IMMP2L: variants seen among roughly 807,000 people sequenced by gnomAD.
The protein encoded by IMMP2L is mitochondrial inner membrane protease subunit 2.
IMMP2L carries 18 observed loss-of-function variants against 19.3 expected under a neutral mutation model. The observed-to-expected ratio is 0.93, with a 90% CI of 0.64 to 1.38. The LOEUF is 1.38. Among genes scored for constraint, IMMP2L ranks in the 40% most tolerant of loss-of-function variants. The pLI is 0.00. For synonymous variants in IMMP2L, 76 were observed against 73.0 expected (o/e 1.04, Z -0.21); for missense variants, 233 against 218.2 (o/e 1.07, Z -0.43).
At chr7:110,673,513 GT>G (rs1281130405) in intron 5 of IMMP2L, among the ~76,000 whole-genome samples, 4 of 152,206 alleles carry the variant, frequency 2.6e-5, no homozygotes, top group African/African-American at 9.6e-5. Context: ...AAGAAAATGA[GT>G]TTTTCTTTTC....
chr7:111,346,951 A>C, intron 3 of IMMP2L, among the ~76,000 whole-genome samples: 1 of 152,062 alleles, frequency 6.6e-6, no homozygotes, highest in East Asian at 1.9e-4. Flanking sequence ...TGCTGGCAAA[A>C]TTAACTGTGA....
chr7:111,243,021 C>A (rs777398618), intron 3 of IMMP2L, among the ~76,000 whole-genome samples: 2 of 152,018 alleles, frequency 1.3e-5, no homozygotes, highest in African/African-American at 4.8e-5. Context: ...TATCACAAAT[C>A]TCTTTTTGTG....
chr7:111,386,642 A>T (rs1472698109), intron 3 of IMMP2L, among the ~76,000 whole-genome samples: 1 of 152,094 alleles, frequency 6.6e-6, no homozygotes, highest in Non-Finnish European at 1.5e-5. Flanking sequence ...CTCATAAAAG[A>T]CTCATGATAA....
chr7:111,498,257 C>T (rs961041839), intron 2 of IMMP2L, among the ~76,000 whole-genome samples: 2 of 152,058 alleles, frequency 1.3e-5, no homozygotes, highest in African/African-American at 4.8e-5. Flanking sequence ...GCTAATAAAA[C>T]ATGTTTTGAG....
chr7:111,033,074 C>T (rs375706538), intron 3 of IMMP2L, among the ~76,000 whole-genome samples: 6 of 151,922 alleles, frequency 3.9e-5, no homozygotes, highest in African/African-American at 9.7e-5. Context: ...GAGCTGAGAT[C>T]GTGCCACTGC....
At chr7:111,504,209 C>T (rs1341324254) in intron 2 of IMMP2L, among the ~76,000 whole-genome samples, 1 of 152,076 alleles carries the variant, frequency 6.6e-6, no homozygotes, top group Non-Finnish European at 1.5e-5. Flanking sequence ...CATGAGTGAA[C>T]TACCATTCAC....
intron 3 of IMMP2L, among the ~76,000 whole-genome samples, chr7:111,157,059 A>G (rs1804717883): frequency 6.6e-6 from 1 of 152,124 alleles, no homozygotes; most frequent in African/African-American, 2.4e-5. Flanking sequence ...GCTTTCATAT[A>G]AAACATAAGG....
chr7:111,273,703 G>A (rs751596924), intron 3 of IMMP2L, among the ~76,000 whole-genome samples: 3 of 152,072 alleles, frequency 2.0e-5, no homozygotes, highest in Non-Finnish European at 4.4e-5. Context: ...TGGATATACA[G>A]AGGTTACGGT....
intron 4 of IMMP2L, among the ~76,000 whole-genome samples, chr7:110,909,926 CAGAG>C (rs139251144): frequency 0.054 from 7,832 of 145,684 alleles, 270 homozygotes; most frequent in African/African-American, 0.09. Context: ...GAGAGATAGA[CAGAG>C]AGAGAGAGAG....
chr7:111,441,021 T>C lies in IMMP2L; in HGVS notation c.239+46217A>G, dbSNP rs186814758. ...GCTTCCTCACCTTTCTCAACCTTCATAGAATTGAAGGAAGTCAGGCCCTTG... is the reference window on the plus strand; with the variant it reads ...GCTTCCTCACCTTTCTCAACCTTCACAGAATTGAAGGAAGTCAGGCCCTTG... On this transcript the variant is annotated intron_variant, in intron 3 of 5. Transcript: ENST00000405709. 2.7e-4 allele frequency among the ~76,000 whole-genome samples: 41 copies of C among 152,022 alleles called. 1 individual carries two copies. The highest frequency in any genetic ancestry group is 9.9e-4 in the African/African-American group (41 of 41,320).
At chr7:111,052,349 A>G (rs978968794) in intron 3 of IMMP2L, among the ~76,000 whole-genome samples, 1 of 152,132 alleles carries the variant, frequency 6.6e-6, no homozygotes, top group Non-Finnish European at 1.5e-5. Context: ...TGGAGCCTTG[A>G]TCTATTACTA....
At chr7:111,041,727 G>T (rs767484641) in intron 3 of IMMP2L, among the ~76,000 whole-genome samples, 4 of 152,002 alleles carry the variant, frequency 2.6e-5, no homozygotes, top group Non-Finnish European at 5.9e-5. Context: ...ACATGATTCT[G>T]ATTTGTTTTC....
chr7:111,063,264 C>T (rs1794187434), intron 3 of IMMP2L, among the ~76,000 whole-genome samples: 1 of 152,208 alleles, frequency 6.6e-6, no homozygotes, highest in Admixed American at 6.5e-5. Flanking sequence ...TCTAAAGCCA[C>T]AGCCCAAGCT....
intron 5 of IMMP2L, among the ~76,000 whole-genome samples, chr7:110,684,743 G>A (rs28590626): frequency 0.25 from 38,474 of 151,820 alleles, 6,524 homozygotes; most frequent in African/African-American, 0.48. Flanking sequence ...TGCTGTCCTC[G>A]TGCATGTTCT....
intron 2 of IMMP2L, among the ~76,000 whole-genome samples, chr7:111,510,911 T>G (rs775728440): frequency 1.3e-5 from 2 of 152,128 alleles, no homozygotes; most frequent in Non-Finnish European, 2.9e-5. Flanking sequence ...GCCTCTCCTC[T>G]GTCTGCTCTA....
intron 3 of IMMP2L, among the ~76,000 whole-genome samples, chr7:111,432,139 C>T (rs1322008282): frequency 2.6e-5 from 4 of 151,586 alleles, no homozygotes; most frequent in Non-Finnish European, 5.9e-5. Flanking sequence ...ATGCCCTAAA[C>T]CTGTGGGATC....
At chr7:110,888,528 A>G (rs372675952) in intron 4 of IMMP2L, among the ~76,000 whole-genome samples, 19 of 152,204 alleles carry the variant, frequency 1.2e-4, no homozygotes, top group African/African-American at 3.9e-4. Context: ...TCATTTCTGC[A>G]GTGACACGGT....
chr7:111,544,382 A>T (rs1585619628), intron 1 of IMMP2L, among the ~76,000 whole-genome samples: 2 of 152,086 alleles, frequency 1.3e-5, no homozygotes, highest in Admixed American at 1.3e-4. Context: ...GTACCCTAGA[A>T]CTTAAAGTAT....
intron 3 of IMMP2L, among the ~76,000 whole-genome samples, chr7:111,141,344 A>C (rs1269757464): frequency 6.6e-6 from 1 of 152,048 alleles, no homozygotes; most frequent in Non-Finnish European, 1.5e-5. Flanking sequence ...TCAAATTATA[A>C]TTTTATCACA....
Sources: allele counts gnomAD v4.1 joint callset (sites outside exome capture counted in the v4.1 genomes callset), GRCh38; gene constraint gnomAD v4.1.1; transcripts MANE v1.5; gene names NCBI Gene and HGNC (gene_info 2026-07-23, HGNC 2026-07-21).